The following NLN variants were observed in gnomAD, a reference collection of about 807,000 sequenced individuals.
NLN encodes the protein neurolysin, mitochondrial.
A neutral mutation model predicts 79.9 loss-of-function variants in NLN; 64 were observed. The observed-to-expected ratio is 0.80, with a 90% confidence interval of 0.65 to 0.99. The LOEUF (loss-of-function observed/expected upper bound fraction) is 0.99. Among genes scored for constraint, NLN ranks in the 50% least tolerant of loss-of-function variants. NLN has a pLI of 0.00. For missense variants in NLN, 835 were observed against 858.7 expected (o/e 0.97, Z 0.34); for synonymous variants, 267 against 296.6 (o/e 0.90, Z 1.02).
At chr5:65,739,141 G>A (rs926809496) in intron 1 of NLN, among the ~76,000 whole-genome samples, 1 of 149,980 alleles carries the variant, frequency 6.7e-6, no homozygotes, top group Non-Finnish European at 1.5e-5. Flanking sequence ...GACCTCAGAT[G>A]ATCTGACCAC....
At position 65,765,274 on chromosome 5, in the gene NLN, T is replaced by A. The variant is rs570319411; in HGVS notation, c.450+2166T>A. On this transcript the variant is annotated intron_variant, in intron 3 of 12. Coordinates refer to ENST00000380985, the MANE Select transcript of NLN (RefSeq NM_020726.5). ...GGCTCACGCCTGTAATCCCAGCACT[T>A]TGGGAGGCCAAGGCGGGTGGATCAC... Among the ~76,000 whole-genome samples, 20 of 152,334 alleles carry A rather than the reference T, an allele frequency of 1.3e-4. 1 individual carries two copies. The East Asian group carries it at 3.7e-3, about 28-fold the overall frequency.
At chr5:65,727,241 C>T (rs1758495272) in intron 1 of NLN, among the ~76,000 whole-genome samples, 2 of 152,182 alleles carry the variant, frequency 1.3e-5, no homozygotes, top group African/African-American at 4.8e-5. Context: ...GATCATGGCT[C>T]ACTGCGGTCT....
In NLN at chr5:65,788,103, T is replaced by C. The variant is rs200287168; in HGVS notation, c.959-15T>C. 1.3e-4 allele frequency: 210 copies of C among 1,603,282 alleles called. No homozygotes were observed. Among genetic ancestry groups the C allele is most frequent in the Non-Finnish European group, 1.7e-4 (195 of 1,175,904 alleles). ...CAAAAGCAAGTAGATCACTAACTTT[T>C]CCTTTTCCTTACAGATGATTTAAGC... On this transcript the variant is annotated splice_polypyrimidine_tract_variant and intron_variant, in intron 7 of 12. Transcript: ENST00000380985.
rs544981987 is a variant in NLN at position 65,727,975 on chromosome 5, CCTGGCTGGTCTTGAA to C, written c.41+5564_41+5578del. ...TAGAGCTGGGGTTTCACTATGTGGG[CCTGGCTGGTCTTGAA>C]CTCCTGACCTCAAGTGATCTGCCCA... On this transcript the variant is annotated intron_variant, in intron 1 of 12. Coordinates refer to ENST00000380985, the MANE Select transcript of NLN (RefSeq NM_020726.5). 8.0e-4 allele frequency among the ~76,000 whole-genome samples: 122 copies of C among 152,210 alleles called. 1 individual carries two copies. The highest frequency in any genetic ancestry group is 7.5e-3 in the East Asian group (39 of 5,178).
At position 65,758,669 on chromosome 5, in the gene NLN, A is replaced by G. The variant is rs544229745; in HGVS notation, c.144A>G (p.Leu48=). 4 of 1,613,772 alleles carry G rather than the reference A, an allele frequency of 2.5e-6. No individual in the cohort carries two copies. In the South Asian group the frequency reaches 3.3e-5, roughly 13 times the overall value. ...SSYTVAGRNV[L]RWDLSPEQIK... is the part of the protein sequence containing the mutation. Reference sequence around the variant, plus strand: ...ATACTGTGGCTGGCAGAAATGTTTTAAGATGGGATCTTTCACCAGAGCAAA... The same window carrying G: ...ATACTGTGGCTGGCAGAAATGTTTTGAGATGGGATCTTTCACCAGAGCAAA... The change falls in exon 2 of 13, where the codon TTA becomes TTG. Residue 48 remains leucine (L), a synonymous_variant. Coordinates refer to ENST00000380985, the MANE Select transcript of NLN (RefSeq NM_020726.5).
intron 5 of NLN, 34 bp from the exon 6 acceptor site, chr5:65,781,227 A>G: frequency 6.6e-7 from 1 of 1,524,340 alleles, no homozygotes; most frequent in South Asian, 1.2e-5. Flanking sequence ...CAATGAGTGG[A>G]AAATTTGATA....
intron 8 of NLN, among the ~76,000 whole-genome samples, chr5:65,791,543 G>A (rs146058144): frequency 0.018 from 2,749 of 152,184 alleles, 78 homozygotes; most frequent in African/African-American, 0.062. Flanking sequence ...GGGCAACAGA[G>A]CAAGACTCCG....
rs1760925997 is a variant in NLN at position 65,826,695 on chromosome 5, A to C, written c.*3780A>C. 6.6e-6 allele frequency: 1 copy of C among 152,238 alleles called. No individual in the cohort carries two copies. Among genetic ancestry groups the C allele is most frequent in the Non-Finnish European group, 1.5e-5 (1 of 68,080 alleles). The allele number at this position is 152,238 out of a possible 1,614,324, so 9.4% of individuals were successfully genotyped here. A position where few individuals can be genotyped will look rare whatever the true frequency, so the allele number is the denominator to read the frequency against. ...TGAGGCAGGAGGATCCTTTGTGCTC[A>C]AGAGTTTGAGACCAGCCTGAGCAAC... On this transcript the variant is annotated 3_prime_UTR_variant, in exon 13 of 13. Coordinates refer to ENST00000380985, the MANE Select transcript of NLN (RefSeq NM_020726.5).
chr5:65,734,133 G>C (rs566073138), intron 1 of NLN, among the ~76,000 whole-genome samples: 1 of 138,614 alleles, frequency 7.2e-6, no homozygotes, highest in Non-Finnish European at 1.6e-5. Context: ...TCCTGACCTC[G>C]TGATCCACCC....
intron 1 of NLN, among the ~76,000 whole-genome samples, chr5:65,724,012 T>C (rs1344552697): frequency 6.6e-6 from 1 of 152,002 alleles, no homozygotes; most frequent in Non-Finnish European, 1.5e-5. Context: ...GCTAGGTGCA[T>C]AAATAGTGAT....
chr5:65,808,847 A>T (rs1034038482), intron 9 of NLN, among the ~76,000 whole-genome samples: 2 of 152,184 alleles, frequency 1.3e-5, no homozygotes, highest in South Asian at 2.1e-4. Context: ...TTAAGGTAAC[A>T]TTGTCTACCC....
At chr5:65,801,523 C>T (rs1325848226) in intron 9 of NLN, among the ~76,000 whole-genome samples, 1 of 152,212 alleles carries the variant, frequency 6.6e-6, no homozygotes, top group Non-Finnish European at 1.5e-5. Context: ...TCTTTGTCCT[C>T]CTTTTTTGAA....
rs1411396334 is a variant in NLN at position 65,732,843 on chromosome 5, G to C, written c.41+10429G>C. On this transcript the variant is annotated intron_variant, in intron 1 of 12. Coordinates refer to ENST00000380985, the MANE Select transcript of NLN (RefSeq NM_020726.5). ...ACACAAGCAAGGCTGAAAGGACTGA[G>C]CCTAAAATGGAGCTGCCCCTGAATG... 6.5e-5 allele frequency: 25 copies of C among 383,854 alleles called. 2 individuals are homozygous for C. The highest frequency in any genetic ancestry group is 1.2e-4 in the Non-Finnish European group (23 of 198,936). The allele number at this position is 383,854 out of a possible 1,614,324, so 23.8% of individuals were successfully genotyped here.
At chr5:65,809,473 T>C in intron 9 of NLN, 42 bp from the exon 10 acceptor site, 3 of 1,518,872 alleles carry the variant, frequency 2.0e-6, no homozygotes, top group Non-Finnish European at 2.7e-6. Context: ...ATATGTACTT[T>C]CATTGAGTTC....
At chr5:65,732,000 C>G (rs1334487195) in intron 1 of NLN, among the ~76,000 whole-genome samples, 3 of 152,068 alleles carry the variant, frequency 2.0e-5, no homozygotes, top group Admixed American at 6.6e-5. Flanking sequence ...ATCCTTCCAC[C>G]TCAGCCTCCC....
intron 3 of NLN, among the ~76,000 whole-genome samples, chr5:65,775,730 C>G (rs1247270872): frequency 6.6e-6 from 1 of 152,218 alleles, no homozygotes; most frequent in Non-Finnish European, 1.5e-5. Context: ...CAGTTATCTC[C>G]CTGGCCATTG....
intron 3 of NLN, among the ~76,000 whole-genome samples, chr5:65,768,174 A>T (rs986464460): frequency 6.6e-6 from 1 of 152,202 alleles, no homozygotes; most frequent in Non-Finnish European, 1.5e-5. Flanking sequence ...CTACTATCCT[A>T]GTACCAATTC....
intron 1 of NLN, among the ~76,000 whole-genome samples, chr5:65,726,142 GA>G (rs556365656): frequency 6.7e-6 from 1 of 150,112 alleles, no homozygotes; most frequent in African/African-American, 2.4e-5. Flanking sequence ...GGTTTTCCAT[GA>G]AAAAAATCTA....
rs1291334183 is a variant in NLN at position 65,826,834 on chromosome 5, A to C, written c.*3919A>C. 6.6e-6 allele frequency: 1 copy of C among 151,954 alleles called. No homozygotes were observed. The highest frequency in any genetic ancestry group is 1.5e-5 in the Non-Finnish European group (1 of 68,004). 9.4% of individuals were successfully genotyped at this position (151,954 alleles called of 1,614,324 possible). On this transcript the variant is annotated 3_prime_UTR_variant, in exon 13 of 13. Transcript: ENST00000380985. ...GTGGGAGGATTGCTTGAGCCCAAGA[A>C]GGTCAAGGCTGCCATGAGCCATAAT...
Sources: allele counts gnomAD v4.1 joint callset (sites outside exome capture counted in the v4.1 genomes callset), GRCh38; gene constraint gnomAD v4.1.1; transcripts MANE v1.5; gene names NCBI Gene and HGNC (gene_info 2026-07-23, HGNC 2026-07-21).